MRC1: variants seen among roughly 807,000 people sequenced by gnomAD.
MRC1 encodes the protein mannose receptor C-type 1.
MRC1 carries 62 observed loss-of-function variants against 102.9 expected under a neutral mutation model. The observed-to-expected ratio is 0.60, with a 90% CI of 0.49 to 0.74. MRC1 has a LOEUF of 0.74. Ranked by LOEUF, MRC1 falls within the 30% of genes least tolerant of loss-of-function variation. The pLI, the probability that MRC1 is intolerant of heterozygous loss-of-function variation, is 0.00. For missense variants in MRC1, 1,237 were observed against 862.8 expected, an observed-to-expected ratio of 1.43 and a Z score of -5.43; for synonymous variants, 457 against 298.4, an observed-to-expected ratio of 1.53 and a Z score of -5.48.
intron 26 of MRC1, among the ~76,000 whole-genome samples, chr10:17,902,370 C>T (rs533314194): frequency 2.1e-4 from 32 of 152,266 alleles, no homozygotes; most frequent in African/African-American, 7.7e-4. Flanking sequence ...TTTCAGACTT[C>T]ATGTTGTAAA....
chr10:17,903,392 C>CTTTTTTTTTTTTTTTTTTTTTTTTTCTT (rs35118275), intron 26 of MRC1, among the ~76,000 whole-genome samples: 1 of 88,862 alleles, frequency 1.1e-5, no homozygotes, highest in Non-Finnish European at 2.2e-5. Flanking sequence ...CTTTTTTTTT[C>CTTTTTTTTTTTTTTTTTTTTTTTTTCTT]TTTTTTTTTT....
At chr10:17,869,876 TA>T (rs1833330302) in intron 12 of MRC1, among the ~76,000 whole-genome samples, 1 of 152,242 alleles carries the variant, frequency 6.6e-6, no homozygotes, top group Admixed American at 6.5e-5. Context: ...ACTTTATCTG[TA>T]TCAAAAGTGT....
intron 11 of MRC1, 101 bp from the exon 12 acceptor site, chr10:17,866,461 G>C (rs1833268947): frequency 5.1e-6 from 4 of 777,840 alleles, no homozygotes; most frequent in Admixed American, 1.7e-5. Context: ...TCATAATTGG[G>C]CATCAGAACC....
chr10:17,881,428 A>G (rs1833516097), intron 21 of MRC1, among the ~76,000 whole-genome samples: 1 of 152,178 alleles, frequency 6.6e-6, no homozygotes, highest in Non-Finnish European at 1.5e-5. Flanking sequence ...GAGTGGAGAA[A>G]TGGTGCATAG....
chr10:17,854,131 T>C lies in MRC1; in HGVS notation c.1407+1007T>C, dbSNP rs1376167946. On this transcript the variant is annotated intron_variant, in intron 8 of 29. Transcript: ENST00000569591. Reference sequence around the variant, plus strand: ...ACGCCTGGCTAATTTTTTGTATTTTTGGTACAGATGGAGTTTTGCCATGTT... The same window carrying C: ...ACGCCTGGCTAATTTTTTGTATTTTCGGTACAGATGGAGTTTTGCCATGTT... Among the ~76,000 whole-genome samples, 4 of 152,260 alleles carry C rather than the reference T, an allele frequency of 2.6e-5. No individual in the cohort carries two copies. The East Asian group carries it at 7.7e-4, about 29-fold the overall frequency.
In MRC1 at chr10:17,866,731, C is replaced by A. The variant is rs945635224; in HGVS notation, c.1953C>A (p.Gly651=). The A allele has an allele frequency of 1.3e-6, 1 of 780,724 alleles. No individual in the cohort carries two copies. The highest frequency in any genetic ancestry group is 2.4e-6 in the Non-Finnish European group (1 of 417,942). The allele number at this position is 780,724 out of a possible 1,614,324, so 48.4% of individuals were successfully genotyped here. The change falls in exon 12 of 30, where the codon GGC becomes GGA. Residue 651 remains glycine, a synonymous_variant. Transcript: ENST00000569591. Reference sequence around the variant, plus strand: ...AACCCAAATGTCCGGAGGATTGGGGCGCCAGCAGTAGAACAAGCTTGTGTT... The same window carrying A: ...AACCCAAATGTCCGGAGGATTGGGGAGCCAGCAGTAGAACAAGCTTGTGTT... ...TPEPKCPEDW[G]ASSRTSLCFK... is the part of the protein sequence containing the mutation.
rs966405022 is a variant in MRC1, at chr10:17,876,359, T to G, written c.2550+1106T>G. ...ACCTACTGGGTTCAAGCAGTTCTCC[T>G]GCCTCAGCCTTCTGAGTAGCTGGGA... On this transcript the variant is annotated intron_variant, in intron 17 of 29. Transcript: ENST00000569591. Among the ~76,000 whole-genome samples the G allele has an allele frequency of 4.6e-4, 70 of 151,894 alleles. No individual in the cohort carries two copies. The South Asian group carries it at 0.013, about 28-fold the overall frequency.
chr10:17,893,343 G>A (rs1475695541), intron 22 of MRC1, among the ~76,000 whole-genome samples: 1 of 152,094 alleles, frequency 6.6e-6, no homozygotes, highest in East Asian at 1.9e-4. Context: ...TTTTTGTAGA[G>A]TTGAGGTCTC....
chr10:17,900,722 T>G lies in MRC1; in HGVS notation c.3484-66T>G, dbSNP rs1447302176. On this transcript the variant is annotated intron_variant, in intron 24 of 29. Coordinates refer to ENST00000569591, the MANE Select transcript of MRC1 (RefSeq NM_002438.4). ...CTTAAATATACTTTGTATTCTTGAATTGGTTCTTTTAGTATTTTCTAAATG... is the reference window on the plus strand; with the variant it reads ...CTTAAATATACTTTGTATTCTTGAAGTGGTTCTTTTAGTATTTTCTAAATG... 9.0e-6 allele frequency: 7 copies of G among 780,192 alleles called. No individual in the cohort carries two copies. The South Asian group carries it at 9.4e-5, about 10-fold the overall frequency. The allele number at this position is 780,192 out of a possible 1,614,324, so 48.3% of individuals were successfully genotyped here. A position where few individuals can be genotyped will look rare whatever the true frequency, so the allele number is the denominator to read the frequency against.
At chr10:17,900,097 CAA>C (rs1156472499) in intron 24 of MRC1, among the ~76,000 whole-genome samples, 24 of 106,822 alleles carry the variant, frequency 2.2e-4, no homozygotes, top group Middle Eastern at 5.6e-3. Flanking sequence ...AGACTTCTCT[CAA>C]AAAAAAAAAA....
intron 1 of MRC1, among the ~76,000 whole-genome samples, chr10:17,819,924 G>A (rs1338338704): frequency 6.6e-6 from 1 of 152,174 alleles, no homozygotes; most frequent in Non-Finnish European, 1.5e-5. Flanking sequence ...CAGCTTGGGC[G>A]ACAGAGCAAG....
At chr10:17,885,630 A>C (rs1178241336) in intron 22 of MRC1, among the ~76,000 whole-genome samples, 195 bp downstream of exon 22, 6 of 152,120 alleles carry the variant, frequency 3.9e-5, no homozygotes, top group Non-Finnish European at 8.8e-5. Flanking sequence ...CTTTGGCTTG[A>C]GGAAGTGGCA....
intron 8 of MRC1, among the ~76,000 whole-genome samples, chr10:17,855,770 A>G (rs1833080706): frequency 6.6e-6 from 1 of 152,142 alleles, no homozygotes; most frequent in African/African-American, 2.4e-5. Flanking sequence ...CTGTTTACAT[A>G]TGAACATGTC....
At position 17,910,872 on chromosome 10, in the gene MRC1, G is replaced by T; in HGVS notation, c.*407G>T. The T allele has an allele frequency of 5.3e-6, 1 of 187,134 alleles. No homozygotes were observed. The highest frequency in any genetic ancestry group is 1.1e-5 in the Non-Finnish European group (1 of 88,882). 11.6% of individuals were successfully genotyped at this position (187,134 alleles called of 1,614,324 possible). A position where few individuals can be genotyped will look rare whatever the true frequency, so the allele number is the denominator to read the frequency against. ...AAGTAGAAGACCATTTGAAAAGTCAGGTACAAATTTCCTCAAGTGGCATAA... is the reference window on the plus strand; with the variant it reads ...AAGTAGAAGACCATTTGAAAAGTCATGTACAAATTTCCTCAAGTGGCATAA... On this transcript the variant is annotated 3_prime_UTR_variant, in exon 30 of 30. Coordinates refer to ENST00000569591, the MANE Select transcript of MRC1 (RefSeq NM_002438.4).
intron 7 of MRC1, among the ~76,000 whole-genome samples, chr10:17,850,177 T>C (rs956710754): frequency 8.6e-5 from 13 of 152,030 alleles, no homozygotes; most frequent in African/African-American, 3.1e-4. Context: ...CTAAATGGAC[T>C]GTTTCAGACT....
In MRC1 at chr10:17,849,699, G is replaced by A; in HGVS notation, c.1184G>A (p.Gly395Asp). 2.6e-6 allele frequency: 2 copies of A among 780,932 alleles called. No homozygotes were observed. The highest frequency in any genetic ancestry group is 1.3e-5 in the South Asian group (1 of 74,612). 48.4% of individuals were successfully genotyped at this position (780,932 alleles called of 1,614,324 possible). A position where few individuals can be genotyped will look rare whatever the true frequency, so the allele number is the denominator to read the frequency against. ...RDALTTCRKE[G>D]GDLTSIHTIE... ...GCTCTGACCACCTGCAGGAAGGAAG[G>A]CGGTGACCTCACAAGTATCCACACC... Residue 395 changes from glycine to aspartate, a missense_variant, in exon 7 of 30, where the codon GGC becomes GAC. Coordinates refer to ENST00000569591, the MANE Select transcript of MRC1 (RefSeq NM_002438.4).
chr10:17,822,325 T>C (rs1313430447), intron 1 of MRC1, among the ~76,000 whole-genome samples: 1 of 152,236 alleles, frequency 6.6e-6, no homozygotes, highest in Non-Finnish European at 1.5e-5. Flanking sequence ...TGTGTCACAC[T>C]ACAAAATCCT....
At chr10:17,836,955 G>A (rs1838674247) in intron 4 of MRC1, among the ~76,000 whole-genome samples, 1 of 152,190 alleles carries the variant, frequency 6.6e-6, no homozygotes, top group African/African-American at 2.4e-5. Context: ...TATTTGTGGG[G>A]TGTGTTATCT....
chr10:17,908,990 G>A (rs1554844061), intron 28 of MRC1, among the ~76,000 whole-genome samples: 1 of 152,166 alleles, frequency 6.6e-6, no homozygotes, highest in African/African-American at 2.4e-5. Context: ...TTTTAAGGGT[G>A]AGTATCAGTG....
Sources: allele counts gnomAD v4.1 joint callset (sites outside exome capture counted in the v4.1 genomes callset), GRCh38; gene constraint gnomAD v4.1.1; transcripts MANE v1.5; gene names NCBI Gene and HGNC (gene_info 2026-07-23, HGNC 2026-07-21).